HLA-DQA1: variants seen among roughly 807,000 people sequenced by gnomAD.
The protein encoded by HLA-DQA1 is major histocompatibility complex, class II, DQ alpha 1.
Under a neutral mutation model 20.7 loss-of-function variants are expected in HLA-DQA1, and 10 were observed. The ratio of observed to expected loss-of-function variants is 0.48; its 90% CI spans 0.30 to 0.82. HLA-DQA1 has a LOEUF of 0.82. HLA-DQA1 is among the 40% of genes least tolerant of loss of function. HLA-DQA1 has a pLI of 0.07. For missense variants in HLA-DQA1, 127 were observed against 293.0 expected, an observed-to-expected ratio of 0.43 and a Z score of 4.14; for synonymous variants, 39 against 109.2, an observed-to-expected ratio of 0.36 and a Z score of 4.01.
intron 1 of HLA-DQA1, among the ~76,000 whole-genome samples, chr6:32,640,502 T>G (rs28383409): frequency 0.018 from 871 of 47,522 alleles, 22 homozygotes; most frequent in East Asian, 0.069. Flanking sequence ...GAGGAAAAAG[T>G]GTGATATAAG....
chr6:32,643,439 A>G lies in HLA-DQA1; in HGVS notation c.*508A>G, dbSNP rs1061172. The G allele has an allele frequency of 0.13, 27,385 of 216,350 alleles. 3,039 individuals are homozygous for G. Among genetic ancestry groups the G allele is most frequent in the African/African-American group, 0.22 (9,066 of 42,124 alleles). The allele number at this position is 216,350 out of a possible 1,614,324, so 13.4% of individuals were successfully genotyped here. Reference sequence around the variant, plus strand: ...ATAATATGTTGATTTCTTAGCTGACATTAATATTTCTTGCTTCCTTGTGTT... The same window carrying G: ...ATAATATGTTGATTTCTTAGCTGACGTTAATATTTCTTGCTTCCTTGTGTT... On this transcript the variant is annotated 3_prime_UTR_variant, in exon 5 of 5. Transcript: ENST00000343139.
At chr6:32,652,479 G>C in the HLA-DQA1 span, among the ~76,000 whole-genome samples, 39,476 of 146,502 alleles carry the variant, frequency 0.27, 6,338 homozygotes, top group East Asian at 0.35. Context: ...TGAATTTAAT[G>C]CAGGACCTCA....
In HLA-DQA1 at chr6:32,640,902, C is replaced by T. The variant is rs1275756415; in HGVS notation, c.83-408C>T. On this transcript the variant is annotated intron_variant, in intron 1 of 4. Coordinates refer to ENST00000343139, the MANE Select transcript of HLA-DQA1 (RefSeq NM_002122.5). ...GGAAGTATAATCAATTTGTTATTAA[C>T]CAATGAAAGAATTAAGTGAAAGATA... Among the ~76,000 whole-genome samples the T allele has an allele frequency of 1.8e-5, 2 of 111,364 alleles. 1 individual carries two copies. The highest frequency in any genetic ancestry group is 5.2e-4 in the East Asian group (2 of 3,880). The allele number at this position is 111,364 out of a possible 152,430, so 73.1% of individuals were successfully genotyped here. A position where few individuals can be genotyped will look rare whatever the true frequency, so the allele number is the denominator to read the frequency against.
the HLA-DQA1 span, among the ~76,000 whole-genome samples, chr6:32,653,874 G>T: frequency 9.7e-3 from 677 of 69,454 alleles, 6 homozygotes; most frequent in Admixed American, 0.014. Flanking sequence ...TTATGTTAAG[G>T]GAAATAAGCC....
chr6:32,644,743 G>A (rs1781766087), downstream of HLA-DQA1: 1 of 100,562 alleles, frequency 9.9e-6, no homozygotes, highest in African/African-American at 3.4e-5. Flanking sequence ...TCCAGAATGA[G>A]AGAGGCTGAG....
At chr6:32,649,330 G>A (rs72852243), downstream of HLA-DQA1, among the ~76,000 whole-genome samples, 16,509 of 95,842 alleles carry the variant, frequency 0.17, 6,416 homozygotes, top group Non-Finnish European at 0.23. Context: ...GCCAAGACAA[G>A]CCTAAGCTTA....
chr6:32,642,034 A>G lies in HLA-DQA1; in HGVS notation c.394A>G (p.Ile132Val). 3 of 1,500,332 alleles carry G rather than the reference A, an allele frequency of 2.0e-6. No homozygotes were observed. Among genetic ancestry groups the G allele is most frequent in the Non-Finnish European group, 2.7e-6 (3 of 1,107,134 alleles). The allele number at this position is 1,500,332 out of a possible 1,614,324, so 92.9% of individuals were successfully genotyped here. A position where few individuals can be genotyped will look rare whatever the true frequency, so the allele number is the denominator to read the frequency against. The change falls in exon 3 of 5, where the codon ATT (isoleucine) becomes GTT (valine). Residue 132 changes from isoleucine (I) to valine (V), a missense_variant. Around this residue, in one of 4 missense-constraint regions of HLA-DQA1, gnomAD observed 30 missense variants for 39.9 expected, o/e 0.75. Transcript: ENST00000343139. ...PVTLGQPNTL[I>V]CLVDNIFPPV... Reference sequence around the variant, plus strand: ...GACACTGGGTCAGCCCAACACCCTCATTTGTCTTGTGGACAACATCTTTCC... The same window carrying G: ...GACACTGGGTCAGCCCAACACCCTCGTTTGTCTTGTGGACAACATCTTTCC...
downstream of HLA-DQA1, among the ~76,000 whole-genome samples, chr6:32,648,286 C>A (rs547837110): frequency 2.7e-5 from 2 of 74,720 alleles, no homozygotes; most frequent in East Asian, 8.7e-4. Flanking sequence ...TTTATGAGGC[C>A]AACATCACCC....
In HLA-DQA1 at chr6:32,641,974, G is replaced by A. The variant is rs1781458303; in HGVS notation, c.334G>A (p.Val112Ile). 1.3e-6 allele frequency: 2 copies of A among 1,545,112 alleles called. No individual in the cohort carries two copies. The change falls in exon 3 of 5, where the codon GTT (valine) becomes ATT (isoleucine). Residue 112 changes from valine to isoleucine, a missense_variant and splice_region_variant. Val to Ile is a conservative substitution (Grantham distance 29). Around this residue, in one of 4 missense-constraint regions of HLA-DQA1, gnomAD observed 30 missense variants for 39.9 expected, o/e 0.75. Coordinates refer to ENST00000343139, the MANE Select transcript of HLA-DQA1 (RefSeq NM_002122.5). ...RYNSTAATNE[V>I]PEVTVFSKSP... ...CCAGTGCTGTTTCCTCACCACAGAG[G>A]TTCCTGAGGTCACAGTGTTTTCCAA...
downstream of HLA-DQA1, among the ~76,000 whole-genome samples, chr6:32,651,183 G>T (rs1232774212): frequency 1.0e-4 from 7 of 69,932 alleles, 3 homozygotes; most frequent in Non-Finnish European, 2.2e-4. Context: ...CACCACACCC[G>T]GCCAAAAAAG....
At chr6:32,654,853 G>T in the HLA-DQA1 span, among the ~76,000 whole-genome samples, 7 of 93,756 alleles carry the variant, frequency 7.5e-5, 3 homozygotes, top group Non-Finnish European at 1.6e-4. Context: ...CCTGTCTCGG[G>T]AAACCCCTGT....
chr6:32,649,672 A>G (rs1782102217), downstream of HLA-DQA1, among the ~76,000 whole-genome samples: 1 of 97,184 alleles, frequency 1.0e-5, no homozygotes, highest in Non-Finnish European at 2.3e-5. Flanking sequence ...CTTACACCTT[A>G]TATAAACATG....
At chr6:32,642,919 G>A (rs62404094) in intron 4 of HLA-DQA1, 33 bp from the exon 5 acceptor site, 89,557 of 613,216 alleles carry the variant, frequency 0.15, 25,438 homozygotes, top group South Asian at 0.32. Flanking sequence ...GAGCCCCCTC[G>A]GACCCATTGA....
chr6:32,651,055 AT>A (rs1199689446), downstream of HLA-DQA1, among the ~76,000 whole-genome samples: 2 of 83,034 alleles, frequency 2.4e-5, 1 homozygote, highest in Non-Finnish European at 5.2e-5. Flanking sequence ...CGTCTGGCTA[AT>A]TTTTTGTATT....
downstream of HLA-DQA1, chr6:32,644,452 C>A (rs1182895012): frequency 1.3e-5 from 2 of 151,976 alleles, no homozygotes; most frequent in African/African-American, 4.8e-5. Context: ...CATTTCTGGC[C>A]TTACTTTTCT....
chr6:32,638,084 A>G (rs34481484), intron 1 of HLA-DQA1, among the ~76,000 whole-genome samples: 8,672 of 131,198 alleles, frequency 0.066, 925 homozygotes, highest in Admixed American at 0.08. Flanking sequence ...GCCTTCAACA[A>G]TCATTTTACC....
At chr6:32,652,266 G>A in the HLA-DQA1 span, among the ~76,000 whole-genome samples, 21 of 76,642 alleles carry the variant, frequency 2.7e-4, 6 homozygotes, top group South Asian at 4.3e-3. Flanking sequence ...GGGGACAGAG[G>A]GAGACTCCAT....
chr6:32,647,184 T>TGTTGAAGTTTTCTGTAATA (rs1561962482), downstream of HLA-DQA1: 97 of 102,460 alleles, frequency 9.5e-4, 4 homozygotes, highest in Admixed American at 1.5e-3. Flanking sequence ...AACATGGTAC[T>TGTTGAAGTTTTCTGTAATA]CAGCCAGGCG....
intron 3 of HLA-DQA1, 53 bp from the exon 4 acceptor site, chr6:32,642,557 A>C: frequency 7.4e-7 from 1 of 1,358,632 alleles, no homozygotes; most frequent in Non-Finnish European, 1.0e-6. Context: ...CATCCCACAC[A>C]CATGCACATG....
Sources: allele counts gnomAD v4.1 joint callset (sites outside exome capture counted in the v4.1 genomes callset), GRCh38; gene constraint gnomAD v4.1.1; regional missense constraint gnomAD v4.1.1; transcripts MANE v1.5; gene names NCBI Gene and HGNC (gene_info 2026-07-23, HGNC 2026-07-21).